Variants in DNAH9 observed in about 807,000 individuals in gnomAD.
DNAH9 encodes dynein axonemal heavy chain 9.
A neutral mutation model predicts 471.6 loss-of-function variants in DNAH9; 345 were observed. The ratio of observed to expected loss-of-function variants is 0.73; its 90% CI spans 0.67 to 0.80. The LOEUF (loss-of-function observed/expected upper bound fraction) is 0.80, where lower values mean the gene tolerates loss of function less well. Among genes scored for constraint, DNAH9 ranks in the 30% least tolerant of loss-of-function variants. DNAH9 has a pLI of 0.00. For missense variants in DNAH9, 5,407 were observed against 5,609.2 expected, an observed-to-expected ratio of 0.96 and a Z score of 1.15; for synonymous variants, 2,093 against 2,123.6, an observed-to-expected ratio of 0.99 and a Z score of 0.40.
chr17:11,907,337 G>A (rs1973640348), intron 61 of DNAH9, among the ~76,000 whole-genome samples: 1 of 152,110 alleles, frequency 6.6e-6, no homozygotes, highest in African/African-American at 2.4e-5. Context: ...GGGCATGGTG[G>A]TGCATGCCTG....
At chr17:11,747,464 C>T (rs1966927808) in intron 31 of DNAH9, 92 bp from the exon 32 acceptor site, 1 of 980,204 alleles carries the variant, frequency 1.0e-6, no homozygotes. Context: ...CTTCAGGTCT[C>T]ACTTCAGACA....
chr17:11,962,442 AG>A lies in DNAH9; in HGVS notation c.13233+188del. Among the ~76,000 whole-genome samples the A allele has an allele frequency of 6.6e-6, 1 of 152,234 alleles. No homozygotes were observed. The highest frequency in any genetic ancestry group is 1.5e-5 in the Non-Finnish European group (1 of 68,044). The stretch of plus-strand genomic sequence containing the variant: ...GGTGCAAAGAGCGTAAGTTTTGCAG[AG>A]GCAGTAGAGTGGAGAGGTTAATAGC... On this transcript the variant is annotated intron_variant, in intron 68 of 68. Coordinates refer to ENST00000262442, the MANE Select transcript of DNAH9 (RefSeq NM_001372.4). This position sits in a 1 kb window ranked among gnomAD's most constrained non-coding sequence, Gnocchi z 4.1.
At chr17:11,807,369 G>C (rs1398346727) in intron 43 of DNAH9, among the ~76,000 whole-genome samples, 1 of 152,042 alleles carries the variant, frequency 6.6e-6, no homozygotes, top group African/African-American at 2.4e-5. Flanking sequence ...CCCTCTTCTT[G>C]CCCAAAAGAA....
chr17:11,636,294 G>A (rs867201315), intron 8 of DNAH9, among the ~76,000 whole-genome samples: 48 of 152,280 alleles, frequency 3.2e-4, no homozygotes, highest in Admixed American at 1.9e-3. Flanking sequence ...ATGAGCCACC[G>A]CGCCTGGCCT....
intron 61 of DNAH9, among the ~76,000 whole-genome samples, chr17:11,919,323 A>G (rs963265636): frequency 9.2e-5 from 14 of 151,628 alleles, no homozygotes; most frequent in Non-Finnish European, 1.9e-4. Context: ...GTGAAACCCT[A>G]TCTCTACTAA....
intron 48 of DNAH9, among the ~76,000 whole-genome samples, chr17:11,830,867 C>T (rs1030217520): frequency 4.6e-5 from 7 of 152,134 alleles, no homozygotes; most frequent in South Asian, 2.1e-4. Flanking sequence ...TGGATACTCT[C>T]GTTGGCCAAG....
intron 26 of DNAH9, among the ~76,000 whole-genome samples, chr17:11,717,780 A>G (rs919595904): frequency 6.6e-6 from 1 of 152,156 alleles, no homozygotes; most frequent in South Asian, 2.1e-4. Flanking sequence ...TTTTTGCAAT[A>G]ATTTCCTTCT....
intron 44 of DNAH9, 29 bp from the exon 45 acceptor site, chr17:11,810,217 G>C (rs754151804): frequency 4.3e-5 from 69 of 1,590,306 alleles, no homozygotes; most frequent in Admixed American, 2.4e-4. Flanking sequence ...CTTCTTTTCA[G>C]AGATTTCTGA....
intron 65 of DNAH9, among the ~76,000 whole-genome samples, chr17:11,935,525 G>A (rs901954487): frequency 6.6e-6 from 1 of 151,594 alleles, no homozygotes; most frequent in Non-Finnish European, 1.5e-5. Flanking sequence ...ACAGGCGTGC[G>A]TCACCACGCC....
intron 61 of DNAH9, among the ~76,000 whole-genome samples, chr17:11,918,195 G>T (rs1974015989): frequency 6.7e-6 from 1 of 149,048 alleles, no homozygotes; most frequent in African/African-American, 2.5e-5. Flanking sequence ...CTTGTATTTG[G>T]TTGGGTGTTT....
chr17:11,680,865 A>G lies in DNAH9; in HGVS notation c.3719A>G (p.Gln1240Arg). The change falls in exon 19 of 69, where the codon CAA becomes CGA. Residue 1240 changes from glutamine to arginine, a missense_variant. Coordinates refer to ENST00000262442, the MANE Select transcript of DNAH9 (RefSeq NM_001372.4). ...GCAGAACAGCAGCAATTCTGGGAGC[A>G]ATTCCACAAAGAAGCCCCGTTCAGG... ...FDAEQQQFWE[Q>R]FHKEAPFRFD... The G allele has an allele frequency of 6.2e-7, 1 of 1,612,634 alleles. No individual in the cohort carries two copies. The highest frequency in any genetic ancestry group is 8.5e-7 in the Non-Finnish European group (1 of 1,179,432).
Position 11,669,216 on chromosome 17 carries a change from C to A in DNAH9, c.2884C>A (p.Leu962Met). Residue 962 changes from leucine (L) to methionine (M), a missense_variant, in exon 16 of 69, where the codon CTG becomes ATG. Physicochemically the swap from Leu to Met is conservative, Grantham distance 15. Coordinates refer to ENST00000262442, the MANE Select transcript of DNAH9 (RefSeq NM_001372.4). ...LITSIFRIPS[L>M]VPRLSPQNGS... ...CACCAGCATTTTTAGGATACCATCT[C>A]TGGTGCCACGGCTTTCCCCACAAAA... 1 of 1,614,056 alleles carries A rather than the reference C, an allele frequency of 6.2e-7. No homozygotes were observed. Among genetic ancestry groups the A allele is most frequent in the South Asian group, 1.1e-5 (1 of 91,076 alleles).
At chr17:11,899,608 A>C (rs1403609803) in intron 59 of DNAH9, among the ~76,000 whole-genome samples, 19 of 152,250 alleles carry the variant, frequency 1.2e-4, no homozygotes, top group Non-Finnish European at 1.0e-4. Flanking sequence ...TTTCAGATCC[A>C]GCCCTGGCAG....
At chr17:11,703,858 C>T (rs2074646293) in intron 24 of DNAH9, among the ~76,000 whole-genome samples, 1 of 152,148 alleles carries the variant, frequency 6.6e-6, no homozygotes, top group African/African-American at 2.4e-5. Context: ...TATTGTCATC[C>T]TCCCAAGCTT....
intron 2 of DNAH9, among the ~76,000 whole-genome samples, chr17:11,609,941 T>A (rs76762945): frequency 6.6e-6 from 1 of 152,122 alleles, no homozygotes; most frequent in Non-Finnish European, 1.5e-5. Flanking sequence ...AATGGTTCAG[T>A]ATAGAGACAA....
In DNAH9 at chr17:11,694,363, C is replaced by A; in HGVS notation, c.4788C>A (p.Thr1596=). 6.2e-7 allele frequency: 1 copy of A among 1,613,792 alleles called. No individual in the cohort carries two copies. Among genetic ancestry groups the A allele is most frequent in the East Asian group, 2.2e-5 (1 of 44,802 alleles). The change falls in exon 22 of 69, where the codon ACC becomes ACA. Residue 1596 remains threonine, a synonymous_variant. Transcript: ENST00000262442. ...CEKALAEYLD[T]KRLAFPRFYF... ...AGGCCCTGGCAGAGTACCTCGACAC[C>A]AAGAGGCTTGCCTTCCCGCGGTTTT...
chr17:11,677,193 C>CT (rs556435769), intron 17 of DNAH9, among the ~76,000 whole-genome samples: 3 of 151,970 alleles, frequency 2.0e-5, no homozygotes, highest in East Asian at 1.9e-4. Flanking sequence ...TCTTCACTGC[C>CT]TTTTTTTAAT....
At chr17:11,919,065 A>C (rs1277152428) in intron 61 of DNAH9, among the ~76,000 whole-genome samples, 1 of 152,162 alleles carries the variant, frequency 6.6e-6, no homozygotes, top group South Asian at 2.1e-4. Flanking sequence ...GACAGGCAGG[A>C]AGGGAGGAGG....
At chr17:11,756,253 G>A (rs1224599673) in intron 33 of DNAH9, among the ~76,000 whole-genome samples, 1 of 147,226 alleles carries the variant, frequency 6.8e-6, no homozygotes, top group Admixed American at 6.9e-5. Context: ...CTCCAGCCTG[G>A]GTGACAGAGC....
Sources: gnomAD v4.1 joint callset for allele counts (sites outside exome capture counted in the v4.1 genomes callset) on GRCh38, gnomAD v4.1.1 for gene constraint, Gnocchi (gnomAD v3.1) non-coding constraint, MANE v1.5 for transcripts, NCBI Gene and HGNC (gene_info 2026-07-23, HGNC 2026-07-21) for gene names.